Variants in TNKS2 observed in about 807,000 individuals in gnomAD.
TNKS2 encodes the protein poly [ADP-ribose] polymerase tankyrase-2.
A neutral mutation model predicts 137.6 loss-of-function variants in TNKS2; 72 were observed. The ratio of observed to expected loss-of-function variants is 0.52; its 90% CI spans 0.43 to 0.64. The LOEUF (loss-of-function observed/expected upper bound fraction) is 0.64, where lower values mean the gene tolerates loss of function less well. TNKS2 is among the 30% of genes least tolerant of loss of function. The pLI is 0.00. For missense variants in TNKS2, 1,049 were observed against 1,410.2 expected (o/e 0.74, Z 4.10); for synonymous variants, 516 against 512.1 (o/e 1.01, Z -0.10).
intron 16 of TNKS2, among the ~76,000 whole-genome samples, 150 bp from the exon 17 acceptor site, chr10:91,844,765 CTTTT>C (rs1180541119): frequency 1.3e-5 from 2 of 151,792 alleles, no homozygotes; most frequent in Non-Finnish European, 2.9e-5. Flanking sequence ...TACAAAATCT[CTTTT>C]TTTATGTTTT....
At chr10:91,822,554 A>G (rs1036470518) in intron 7 of TNKS2, among the ~76,000 whole-genome samples, 192 bp downstream of exon 7, 3 of 133,920 alleles carry the variant, frequency 2.2e-5, no homozygotes, top group Non-Finnish European at 4.9e-5. Context: ...TTGAGATACC[A>G]TATGTTTTGT....
intron 2 of TNKS2, 35 bp downstream of exon 2, chr10:91,813,242 T>TTG (rs752620417): frequency 2.0e-6 from 3 of 1,536,726 alleles, no homozygotes; most frequent in Non-Finnish European, 2.7e-6. Context: ...TTTACTAATG[T>TTG]TGTAACTATT....
At chr10:91,847,099 A>T (rs1437463067) in intron 18 of TNKS2, among the ~76,000 whole-genome samples, 3 of 152,212 alleles carry the variant, frequency 2.0e-5, no homozygotes, top group African/African-American at 7.2e-5. Flanking sequence ...TCAGGTACAT[A>T]AAAAGCACTC....
At chr10:91,828,457 A>G (rs1200794063) in intron 9 of TNKS2, 51 bp downstream of exon 9, 1 of 1,439,268 alleles carries the variant, frequency 6.9e-7, no homozygotes, top group South Asian at 1.5e-5. Flanking sequence ...GAACGTGCTA[A>G]ACTAATCATA....
chr10:91,822,195 G>T (rs1844911648), intron 6 of TNKS2, 101 bp from the exon 7 acceptor site: 1 of 871,242 alleles, frequency 1.1e-6, no homozygotes, highest in Admixed American at 2.4e-5. Flanking sequence ...TAATCCATTT[G>T]CTATTTAAGT....
chr10:91,818,075 G>A (rs990202285), intron 3 of TNKS2, among the ~76,000 whole-genome samples: 1 of 152,216 alleles, frequency 6.6e-6, no homozygotes, highest in African/African-American at 2.4e-5. Context: ...ACTTCTAGAA[G>A]TGTGCACTGT....
chr10:91,849,275 A>C (rs531099653), intron 19 of TNKS2, among the ~76,000 whole-genome samples: 1 of 152,376 alleles, frequency 6.6e-6, no homozygotes, highest in Non-Finnish European at 1.5e-5. Flanking sequence ...TTAAAAATAT[A>C]GATGCAATTA....
chr10:91,827,268 C>A, intron 8 of TNKS2, 65 bp downstream of exon 8: 1 of 1,256,304 alleles, frequency 8.0e-7, no homozygotes, highest in South Asian at 3.0e-5. Flanking sequence ...TTTTTTCTTT[C>A]CTGTTTGTTT....
chr10:91,824,691 T>C (rs576249473), intron 7 of TNKS2, among the ~76,000 whole-genome samples: 1 of 152,270 alleles, frequency 6.6e-6, no homozygotes, highest in South Asian at 2.1e-4. Flanking sequence ...AGTTTGCAGA[T>C]TAACATGAAG....
At chr10:91,835,308 C>G (rs892771657) in intron 12 of TNKS2, among the ~76,000 whole-genome samples, 2 of 108,332 alleles carry the variant, frequency 1.8e-5, no homozygotes, top group East Asian at 4.1e-4. Context: ...TTTTTTTTTC[C>G]AAGCAGGGTC....
intron 4 of TNKS2, 54 bp downstream of exon 4, chr10:91,819,360 CTTTTT>C (rs74263177): frequency 1.5e-5 from 18 of 1,162,302 alleles, no homozygotes; most frequent in South Asian, 4.2e-5. Flanking sequence ...TTAACTTTTT[CTTTTT>C]TTTTTTTTTT....
chr10:91,861,893 GTATT>G, intron 25 of TNKS2, 102 bp from the exon 26 acceptor site: 2 of 962,800 alleles, frequency 2.1e-6, no homozygotes, highest in South Asian at 2.1e-5. Flanking sequence ...ACAATTATAA[GTATT>G]TATGTATAAA....
At chr10:91,825,818 G>A (rs1476286944) in intron 7 of TNKS2, among the ~76,000 whole-genome samples, 1 of 152,238 alleles carries the variant, frequency 6.6e-6, no homozygotes, top group Non-Finnish European at 1.5e-5. Flanking sequence ...GCAAGGATAT[G>A]TAGCAACTGG....
intron 11 of TNKS2, among the ~76,000 whole-genome samples, chr10:91,832,728 A>T (rs944239757): frequency 5.3e-5 from 8 of 152,128 alleles, no homozygotes; most frequent in Non-Finnish European, 1.0e-4. Flanking sequence ...TGAGGAACTT[A>T]ATTTCTTAGC....
rs1167378651 is a variant in TNKS2 at position 91,865,435 on chromosome 10, AT to A, written c.*2438del. Among the ~76,000 whole-genome samples the A allele has an allele frequency of 1.3e-5, 2 of 152,184 alleles. No individual in the cohort carries two copies. The highest frequency in any genetic ancestry group is 1.9e-4 in the East Asian group (1 of 5,200). ...CAGTTTGAAGTTTGAAATATTGAAT[AT>A]TGTAGCTGTACTTGCTCATTAAAAT... On this transcript the variant is annotated 3_prime_UTR_variant, in exon 27 of 27. Transcript: ENST00000371627.
intron 3 of TNKS2, 23 bp from the exon 4 acceptor site, chr10:91,819,245 ACT>A: frequency 1.9e-6 from 2 of 1,027,192 alleles, no homozygotes; most frequent in South Asian, 3.7e-5. Context: ...TAATTTCTAT[ACT>A]TTTTTTTTTT....
chr10:91,854,522 G>C (rs555830473), intron 21 of TNKS2, among the ~76,000 whole-genome samples: 1 of 152,158 alleles, frequency 6.6e-6, no homozygotes, highest in South Asian at 2.1e-4. Flanking sequence ...GGTAACATTA[G>C]GGGAAAGTGG....
Position 91,848,516 on chromosome 10 carries a change from G to A in TNKS2, c.2492G>A (p.Ser831Asn). 6.2e-7 allele frequency: 1 copy of A among 1,614,114 alleles called. No homozygotes were observed. Among genetic ancestry groups the A allele is most frequent in the Non-Finnish European group, 8.5e-7 (1 of 1,180,028 alleles). ...GATGCTCTCTCTTCAGGTCCATCTAGCCCATCAAGCCTTTCTGCAGCCAGC... is the reference window on the plus strand; with the variant it reads ...GATGCTCTCTCTTCAGGTCCATCTAACCCATCAAGCCTTTCTGCAGCCAGC... ...TADALSSGPS[S>N]PSSLSAASSL... Residue 831 changes from serine (S) to asparagine (N), a missense_variant, in exon 19 of 27, where the codon AGC (serine) becomes AAC (asparagine). Physicochemically the swap from Ser to Asn is conservative, Grantham distance 46. This residue lies in a region of TNKS2 where 208 missense variants were observed against 231.2 expected (regional missense o/e 0.90). Coordinates refer to ENST00000371627, the MANE Select transcript of TNKS2 (RefSeq NM_025235.4).
At chr10:91,840,293 T>C (rs1842169286) in intron 13 of TNKS2, among the ~76,000 whole-genome samples, 1 of 152,038 alleles carries the variant, frequency 6.6e-6, no homozygotes, top group African/African-American at 2.4e-5. Context: ...TGAACTGAGA[T>C]TGCGCCACTG....
Sources: allele counts gnomAD v4.1 joint callset (sites outside exome capture counted in the v4.1 genomes callset), GRCh38; gene constraint gnomAD v4.1.1; regional missense constraint gnomAD v4.1.1; transcripts MANE v1.5; gene names NCBI Gene and HGNC (gene_info 2026-07-23, HGNC 2026-07-21).